The following DHRS7B variants were observed in gnomAD, a reference collection of about 807,000 sequenced individuals.
DHRS7B encodes dehydrogenase/reductase 7B, also known as peroxisomal reductase activating PPAR-gamma.
A neutral mutation model predicts 26.4 loss-of-function variants in DHRS7B; 24 were observed. That is an observed-to-expected ratio of 0.91 (90% CI 0.66 to 1.28). The LOEUF (loss-of-function observed/expected upper bound fraction) is 1.28, where lower values mean the gene tolerates loss of function less well. Among genes scored for constraint, DHRS7B ranks in the 50% most tolerant of loss-of-function variants. The pLI, the probability that DHRS7B is intolerant of heterozygous loss-of-function variation, is 0.00. For synonymous variants in DHRS7B, 142 were observed against 166.4 expected, an observed-to-expected ratio of 0.85 and a Z score of 1.13; for missense variants, 368 against 419.4, an observed-to-expected ratio of 0.88 and a Z score of 1.07.
intron 1 of DHRS7B, among the ~76,000 whole-genome samples, chr17:21,157,416 G>T (rs1234455432): frequency 6.6e-6 from 1 of 152,154 alleles, no homozygotes; most frequent in East Asian, 1.9e-4. Context: ...TTCAAATCAG[G>T]CTAGGCACAG....
intron 2 of DHRS7B, among the ~76,000 whole-genome samples, chr17:21,177,806 A>G (rs77646360): frequency 1.3e-5 from 2 of 152,340 alleles, no homozygotes; most frequent in African/African-American, 2.4e-5. Context: ...TATTTCCAGG[A>G]GAGCTGTGCC....
intron 1 of DHRS7B, among the ~76,000 whole-genome samples, chr17:21,141,640 A>AAAAAAAAAAAAAAAAAAAAAAAAAAAG: frequency 1.1e-5 from 1 of 90,078 alleles, no homozygotes; most frequent in Non-Finnish European, 2.1e-5. Context: ...AAAAAAAAAA[A>AAAAAAAAAAAAAAAAAAAAAAAAAAAG]CAACCTCATC....
chr17:21,185,953 G>A (rs1023279187), intron 5 of DHRS7B, among the ~76,000 whole-genome samples: 2 of 152,160 alleles, frequency 1.3e-5, no homozygotes, highest in African/African-American at 2.4e-5. Context: ...CTCCCAAAGC[G>A]TTGAGATTAC....
chr17:21,176,349 T>C (rs558456047), intron 2 of DHRS7B, among the ~76,000 whole-genome samples: 12 of 152,100 alleles, frequency 7.9e-5, no homozygotes, highest in Non-Finnish European at 1.8e-4. Context: ...GCCTGTAATC[T>C]CAGCATTTTG....
intron 3 of DHRS7B, among the ~76,000 whole-genome samples, chr17:21,180,747 G>A (rs1320445904): frequency 6.6e-6 from 1 of 152,190 alleles, no homozygotes; most frequent in Non-Finnish European, 1.5e-5. Context: ...CTTTGTACAA[G>A]TTTTGAAGTG....
chr17:21,176,921 C>T (rs531501559), intron 2 of DHRS7B, among the ~76,000 whole-genome samples: 1 of 152,192 alleles, frequency 6.6e-6, no homozygotes, highest in South Asian at 2.1e-4. Flanking sequence ...GGGCACTGAA[C>T]ATTTACATAG....
chr17:21,136,541 GTTT>G (rs1973346236), intron 1 of DHRS7B, among the ~76,000 whole-genome samples: 1 of 127,084 alleles, frequency 7.9e-6, no homozygotes, highest in South Asian at 2.6e-4. Context: ...GGTTTTGTGG[GTTT>G]TTTTGTTTGT....
intron 1 of DHRS7B, among the ~76,000 whole-genome samples, chr17:21,148,010 G>C (rs747487741): frequency 6.6e-6 from 1 of 152,110 alleles, no homozygotes; most frequent in Non-Finnish European, 1.5e-5. Context: ...GAGCCCAGGA[G>C]TTTGAGACCA....
chr17:21,128,910 AAACAACAAC>A (rs148581392), intron 1 of DHRS7B: 3 of 150,664 alleles, frequency 2.0e-5, no homozygotes, highest in Admixed American at 6.6e-5. Flanking sequence ...ACCCTGTCTC[AAACAACAAC>A]AACAACAACA....
rs999665628 is a variant in DHRS7B at position 21,166,047 on chromosome 17, T to C, written c.21-5971T>C. ...ATGAACAGACAGACTTGGCGCGGGC[T>C]CTGCCTCCTGTTCATTGTCACCGCA... On this transcript the variant is annotated intron_variant, in intron 1 of 6. Transcript: ENST00000395511. 18 of 576,588 alleles carry C rather than the reference T, an allele frequency of 3.1e-5. No homozygotes were observed. In the African/African-American group the frequency reaches 3.7e-4, roughly 12 times the overall value. The allele number at this position is 576,588 out of a possible 1,614,324, so 35.7% of individuals were successfully genotyped here. A position where few individuals can be genotyped will look rare whatever the true frequency, so the allele number is the denominator to read the frequency against.
chr17:21,184,590 A>C (rs1472513086), intron 5 of DHRS7B, 127 bp downstream of exon 5: 2 of 918,292 alleles, frequency 2.2e-6, no homozygotes, highest in African/African-American at 3.4e-5. Flanking sequence ...AAGGCACTTG[A>C]GAATGTGTTC....
chr17:21,166,103 G>A (rs1974107469), intron 1 of DHRS7B: 1 of 974,516 alleles, frequency 1.0e-6, no homozygotes. Context: ...AGGGCCCGGG[G>A]CTGGGCTTTG....
At chr17:21,143,641 GT>G (rs139788836) in intron 1 of DHRS7B, among the ~76,000 whole-genome samples, 2,986 of 152,216 alleles carry the variant, frequency 0.02, 93 homozygotes, top group African/African-American at 0.069. Context: ...CAGAGGGTCA[GT>G]TTTTTTCCTC....
intron 3 of DHRS7B, among the ~76,000 whole-genome samples, chr17:21,180,081 T>C (rs1175945999): frequency 2.0e-5 from 3 of 150,150 alleles, no homozygotes; most frequent in Non-Finnish European, 3.0e-5. Context: ...TTCTTTTTTT[T>C]TTTTTTTTTT....
At chr17:21,150,136 A>G (rs1411208880) in intron 1 of DHRS7B, among the ~76,000 whole-genome samples, 3 of 147,628 alleles carry the variant, frequency 2.0e-5, no homozygotes, top group Non-Finnish European at 1.5e-5. Context: ...AAAAAAACTA[A>G]GGCATAGAGT....
intron 1 of DHRS7B, among the ~76,000 whole-genome samples, chr17:21,145,297 C>G (rs1012527137): frequency 2.6e-5 from 4 of 151,940 alleles, no homozygotes; most frequent in Non-Finnish European, 4.4e-5. Context: ...GCATTCCAGC[C>G]TGGGCGACAG....
chr17:21,130,359 A>C (rs1166794926), intron 1 of DHRS7B, among the ~76,000 whole-genome samples: 1 of 152,242 alleles, frequency 6.6e-6, no homozygotes, highest in East Asian at 1.9e-4. Context: ...ACTGTACTCC[A>C]GCCTGGGCTA....
rs1265344389 is a variant in DHRS7B at position 21,126,990 on chromosome 17, A to C, written c.19A>C (p.Arg7=). 6.5e-7 allele frequency: 1 copy of C among 1,529,344 alleles called. No individual in the cohort carries two copies. The highest frequency in any genetic ancestry group is 8.8e-7 in the Non-Finnish European group (1 of 1,138,162). The allele number at this position is 1,529,344 out of a possible 1,614,324, so 94.7% of individuals were successfully genotyped here. Reference sequence around the variant, plus strand: ...ATTGACTATGGTCTCTCCGGCTACCAGGTAGGGGCTGGGGAAGAAGGAACC... The same window carrying C: ...ATTGACTATGGTCTCTCCGGCTACCCGGTAGGGGCTGGGGAAGAAGGAACC... MVSPAT[R]KSLPKVKAMD... is the part of the protein sequence containing the mutation. The change falls in exon 1 of 7, where the codon AGG becomes CGG. Residue 7 remains arginine (R), a splice_region_variant and synonymous_variant. Transcript: ENST00000395511.
chr17:21,132,074 G>A (rs543241740), intron 1 of DHRS7B, among the ~76,000 whole-genome samples: 1 of 152,184 alleles, frequency 6.6e-6, no homozygotes, highest in Non-Finnish European at 1.5e-5. Flanking sequence ...ATTCAACAGA[G>A]TTTAACTGAA....
Sources: gnomAD v4.1 joint callset for allele counts (sites outside exome capture counted in the v4.1 genomes callset) on GRCh38, gnomAD v4.1.1 for gene constraint, MANE v1.5 for transcripts, NCBI Gene and HGNC (gene_info 2026-07-23, HGNC 2026-07-21) for gene names.